COL26A1: variants seen among roughly 807,000 people sequenced by gnomAD.
The protein encoded by COL26A1 is collagen type XXVI alpha 1 chain.
Under a neutral mutation model 59.3 loss-of-function variants are expected in COL26A1, and 41 were observed. The ratio of observed to expected loss-of-function variants is 0.69; its 90% confidence interval spans 0.54 to 0.90. The LOEUF is 0.90. Ranked by LOEUF, COL26A1 falls within the 40% of genes least tolerant of loss-of-function variation. COL26A1 has a pLI of 0.00. For missense variants in COL26A1, 612 were observed against 602.3 expected (o/e 1.02, Z -0.17); for synonymous variants, 266 against 256.0 (o/e 1.04, Z -0.37).
rs981997004 is a variant in COL26A1, at chr7:101,489,785, T to G, written c.385+41998T>G. On this transcript the variant is annotated intron_variant, in intron 3 of 12. Transcript: ENST00000313669. ...TTCTTTCTTTCTTTCTTTCTTTCTT[T>G]CTTTCTTTCTTTCTTTCTTTCTTTC... Among the ~76,000 whole-genome samples, 5 of 2,094 alleles carry G rather than the reference T, an allele frequency of 2.4e-3. 1 individual carries two copies. Among genetic ancestry groups the G allele is most frequent in the East Asian group, 0.02 (4 of 200 alleles). 1.4% of individuals were successfully genotyped at this position (2,094 alleles called of 152,430 possible).
chr7:101,393,653 G>T (rs1429497048), intron 1 of COL26A1, among the ~76,000 whole-genome samples: 6 of 152,112 alleles, frequency 3.9e-5, no homozygotes, highest in Non-Finnish European at 7.4e-5. Flanking sequence ...CATCATGTTG[G>T]CTGGGCTGGT....
chr7:101,379,728 C>T (rs967126309), intron 1 of COL26A1, among the ~76,000 whole-genome samples: 3 of 152,138 alleles, frequency 2.0e-5, no homozygotes, highest in African/African-American at 4.8e-5. Context: ...GTAAAAAAGC[C>T]GGCCAAAACC....
At chr7:101,442,158 CTG>C (rs142173281) in intron 2 of COL26A1, among the ~76,000 whole-genome samples, 2,706 of 152,304 alleles carry the variant, frequency 0.018, 32 homozygotes, top group Non-Finnish European at 0.03. Context: ...TGGGTGGACT[CTG>C]TAGTTTTTCT....
intron 1 of COL26A1, among the ~76,000 whole-genome samples, chr7:101,419,654 G>A (rs924443581): frequency 4.6e-5 from 7 of 152,228 alleles, no homozygotes; most frequent in East Asian, 1.9e-4. Flanking sequence ...GTGGTGGAAC[G>A]TGTTACCTGC....
intron 1 of COL26A1, among the ~76,000 whole-genome samples, chr7:101,368,814 A>C (rs758238364): frequency 6.6e-6 from 1 of 151,680 alleles, no homozygotes; most frequent in Non-Finnish European, 1.5e-5. Flanking sequence ...GTAGTACTAT[A>C]ATTTTGACTC....
At chr7:101,471,571 GTTTTTTTT>G (rs71517177) in intron 3 of COL26A1, among the ~76,000 whole-genome samples, 3 of 92,966 alleles carry the variant, frequency 3.2e-5, no homozygotes, top group Non-Finnish European at 6.7e-5. Context: ...GTTGTTGTTT[GTTTTTTTT>G]TTTTTTTTTT....
At chr7:101,383,135 A>AGTTATT (rs1554403400) in intron 1 of COL26A1, among the ~76,000 whole-genome samples, 7 of 152,040 alleles carry the variant, frequency 4.6e-5, no homozygotes, top group African/African-American at 1.5e-4. Context: ...AGTTTTTTAG[A>AGTTATT]CTTAGGCATT....
chr7:101,470,115 T>G (rs139144570), intron 3 of COL26A1, among the ~76,000 whole-genome samples: 3,344 of 151,402 alleles, frequency 0.022, 142 homozygotes, highest in African/African-American at 0.076. Flanking sequence ...TGTTTTTTTT[T>G]TTTTTTCGAG....
intron 1 of COL26A1, among the ~76,000 whole-genome samples, chr7:101,402,333 G>A (rs754707475): frequency 6.6e-6 from 1 of 152,060 alleles, no homozygotes; most frequent in African/African-American, 2.4e-5. Flanking sequence ...CAGCCTCCCC[G>A]CTGATTGCAG....
At chr7:101,488,338 T>A (rs980350740) in intron 3 of COL26A1, among the ~76,000 whole-genome samples, 87 of 118,560 alleles carry the variant, frequency 7.3e-4, no homozygotes, top group African/African-American at 2.9e-3. Context: ...AATCCGTTTT[T>A]AATTTTATTT....
At chr7:101,491,151 T>A (rs890583204) in intron 3 of COL26A1, among the ~76,000 whole-genome samples, 4 of 151,960 alleles carry the variant, frequency 2.6e-5, no homozygotes, top group African/African-American at 9.7e-5. Flanking sequence ...TGGGGATGAT[T>A]GTGCATGCTC....
intron 3 of COL26A1, among the ~76,000 whole-genome samples, chr7:101,473,371 C>T (rs532794104): frequency 4.1e-4 from 62 of 152,198 alleles, no homozygotes; most frequent in African/African-American, 1.3e-3. Flanking sequence ...CCACTGCGCC[C>T]GGCCTGGGTT....
chr7:101,423,208 G>C (rs1792566129), intron 2 of COL26A1, among the ~76,000 whole-genome samples: 1 of 152,156 alleles, frequency 6.6e-6, no homozygotes, highest in Non-Finnish European at 1.5e-5. Context: ...AGAGGTTGTA[G>C]TGAGCCAAGA....
At position 101,374,240 on chromosome 7, in the gene COL26A1, C is replaced by T. The variant is rs142536355; in HGVS notation, c.158+11050C>T. 9.4e-4 allele frequency among the ~76,000 whole-genome samples: 143 copies of T among 152,294 alleles called. 1 individual carries two copies. Among genetic ancestry groups the T allele is most frequent in the African/African-American group, 3.0e-3 (126 of 41,574 alleles). ...AGTCCTGTAACAGACTACCCTGAAA[C>T]AAGCTGGACTGAGTCCAGGTTAATT... On this transcript the variant is annotated intron_variant, in intron 1 of 12. Transcript: ENST00000313669.
At chr7:101,364,244 CT>C (rs11334865) in intron 1 of COL26A1, among the ~76,000 whole-genome samples, 88,157 of 152,046 alleles carry the variant, frequency 0.58, 27,138 homozygotes, top group African/African-American at 0.8. Context: ...TTGAATTTAG[CT>C]TTTCTCATTT....
chr7:101,447,592 TG>T, intron 2 of COL26A1, 91 bp from the exon 3 acceptor site: 1 of 874,756 alleles, frequency 1.1e-6, no homozygotes, highest in Non-Finnish European at 1.8e-6. Context: ...GAGCCCTGGC[TG>T]GGCAAAACAG....
chr7:101,376,017 C>T (rs1316087350), intron 1 of COL26A1, among the ~76,000 whole-genome samples: 1 of 149,052 alleles, frequency 6.7e-6, no homozygotes, highest in African/African-American at 2.5e-5. Flanking sequence ...GAAAATTAGC[C>T]AGGCACGGTG....
intron 3 of COL26A1, among the ~76,000 whole-genome samples, chr7:101,458,825 A>G (rs1047500681): frequency 4.2e-5 from 6 of 143,784 alleles, no homozygotes; most frequent in Non-Finnish European, 6.1e-5. Context: ...TTTTGGAGAC[A>G]TGGTCTGACT....
At chr7:101,465,743 C>T (rs188532465) in intron 3 of COL26A1, among the ~76,000 whole-genome samples, 1 of 151,778 alleles carries the variant, frequency 6.6e-6, no homozygotes, top group African/African-American at 2.4e-5. Flanking sequence ...GAAGTGCTCT[C>T]GGCCTGGCGT....
Sources: gnomAD v4.1 joint callset for allele counts (sites outside exome capture counted in the v4.1 genomes callset) on GRCh38, gnomAD v4.1.1 for gene constraint, MANE v1.5 for transcripts, NCBI Gene and HGNC (gene_info 2026-07-23, HGNC 2026-07-21) for gene names.